The following ANO1 variants were observed in gnomAD, a reference collection of about 807,000 sequenced individuals.
The protein encoded by ANO1 is anoctamin 1, also known as anoctamin-1.
Under a neutral mutation model 124.0 loss-of-function variants are expected in ANO1, and 59 were observed. That is an observed-to-expected ratio of 0.48 (90% CI 0.39 to 0.59). The LOEUF is 0.59. Ranked by LOEUF, ANO1 falls within the 20% of genes least tolerant of loss-of-function variation. ANO1 has a pLI of 0.00. For missense variants in ANO1, 1,059 were observed against 1,328.0 expected (o/e 0.80, Z 3.15); for synonymous variants, 529 against 532.0 (o/e 0.99, Z 0.08).
chr11:70,121,978 G>GTCTC (rs2046302316), intron 8 of ANO1, among the ~76,000 whole-genome samples: 1 of 79,790 alleles, frequency 1.3e-5, no homozygotes, highest in Non-Finnish European at 2.6e-5. Flanking sequence ...CTCTCTGTCT[G>GTCTC]TCTGTCTCTG....
rs199682976 is a variant in ANO1 at position 70,179,982 on chromosome 11, C to G, written c.2351-22C>G. 2.4e-4 allele frequency: 389 copies of G among 1,609,328 alleles called. No homozygotes were observed. In the African/African-American group the frequency reaches 4.4e-3, roughly 18 times the overall value. ...ACTGAGAGTGTAGGGCTCTTTAAAACTGTGACTTCTTCTTCCCCCAGGAAT... is the reference window on the plus strand; with the variant it reads ...ACTGAGAGTGTAGGGCTCTTTAAAAGTGTGACTTCTTCTTCCCCCAGGAAT... On this transcript the variant is annotated intron_variant, in intron 22 of 25. Transcript: ENST00000355303.
chr11:70,009,020 C>T (rs1160997854), intron 1 of ANO1, among the ~76,000 whole-genome samples: 1 of 152,204 alleles, frequency 6.6e-6, no homozygotes, highest in Non-Finnish European at 1.5e-5. Context: ...AGGCCTGTTC[C>T]ACATGAGGTT....
In ANO1 at chr11:70,153,081, G is replaced by T. The variant is rs762424655; in HGVS notation, c.1378G>T (p.Ala460Ser). ...VKDHPRAEYE[A>S]RVLEKSLKKE... ...GGATCATCCTAGAGCTGAATACGAA[G>T]CCAGAGTCTTGGAGAAGTCTCTGAA... Residue 460 changes from alanine to serine, a missense_variant, in exon 14 of 26, where the codon GCC becomes TCC. Transcript: ENST00000355303. 1.9e-5 allele frequency: 31 copies of T among 1,607,648 alleles called. No homozygotes were observed. The highest frequency in any genetic ancestry group is 2.4e-5 in the Non-Finnish European group (28 of 1,177,122).
chr11:70,150,400 A>C (rs2047557042), intron 12 of ANO1, among the ~76,000 whole-genome samples: 1 of 152,362 alleles, frequency 6.6e-6, no homozygotes, highest in East Asian at 1.9e-4. Context: ...CAAGTCCAGC[A>C]GGAATTCCCT....
At chr11:69,969,647 G>A in the ANO1 span, among the ~76,000 whole-genome samples, 1 of 152,250 alleles carries the variant, frequency 6.6e-6, no homozygotes, top group African/African-American at 2.4e-5. Context: ...CAGTCTGGGA[G>A]CCTCAAGAGA....
upstream of ANO1, among the ~76,000 whole-genome samples, chr11:70,077,887 C>G (rs1228082635): frequency 3.3e-5 from 5 of 152,190 alleles, no homozygotes; most frequent in African/African-American, 1.2e-4. Context: ...GAGACTCCCC[C>G]AGGAGCGCGG....
intron 1 of ANO1, among the ~76,000 whole-genome samples, chr11:70,072,059 C>T (rs886684263): frequency 5.3e-5 from 8 of 152,190 alleles, no homozygotes; most frequent in African/African-American, 7.2e-5. Flanking sequence ...ACACACACTC[C>T]GCAGGGCCCA....
At chr11:70,165,112 G>C (rs1325493131) in intron 19 of ANO1, among the ~76,000 whole-genome samples, 2 of 152,162 alleles carry the variant, frequency 1.3e-5, no homozygotes, top group Non-Finnish European at 2.9e-5. Flanking sequence ...GCCTCTCCCA[G>C]CTTCTGGGGA....
At chr11:70,159,767 A>G (rs2047975252) in intron 16 of ANO1, among the ~76,000 whole-genome samples, 1 of 152,224 alleles carries the variant, frequency 6.6e-6, no homozygotes, top group Non-Finnish European at 1.5e-5. Flanking sequence ...GCACCTCCGC[A>G]TGCTGGCACG....
chr11:70,056,398 C>CTT (rs1857435269), intron 1 of ANO1: 2 of 152,034 alleles, frequency 1.3e-5, no homozygotes, highest in South Asian at 4.1e-4. Context: ...TATTATTAAT[C>CTT]TTTTGAAAAT....
intron 1 of ANO1, among the ~76,000 whole-genome samples, chr11:70,014,074 C>T (rs2134977239): frequency 6.6e-6 from 1 of 152,162 alleles, no homozygotes; most frequent in South Asian, 2.1e-4. Context: ...TGATCAGGGT[C>T]CCATGGGGCC....
intron 14 of ANO1, among the ~76,000 whole-genome samples, chr11:70,154,173 G>A (rs1380152560): frequency 1.3e-5 from 2 of 152,228 alleles, no homozygotes; most frequent in Admixed American, 6.5e-5. Flanking sequence ...GACCCTTGGA[G>A]GGATGAGGGC....
At chr11:70,137,585 C>T (rs1389012908) in intron 11 of ANO1, among the ~76,000 whole-genome samples, 4 of 145,862 alleles carry the variant, frequency 2.7e-5, no homozygotes, top group African/African-American at 9.7e-5. Context: ...GAAGATCCAC[C>T]CAGCGGGGCC....
intron 1 of ANO1, among the ~76,000 whole-genome samples, chr11:70,025,686 ACGATGATGATGGTGGTGGTGATGG>A (rs1555003101): frequency 2.1e-5 from 3 of 144,572 alleles, no homozygotes; most frequent in Non-Finnish European, 3.0e-5. Context: ...GGTGGTGGTG[ACGATGATGATGGTGGTGGTGATGG>A]TGATGATGAT....
At position 70,088,185 on chromosome 11, in the gene ANO1, G is replaced by C. The variant is rs938588376; in HGVS notation, c.441+101G>C. 9.1e-6 allele frequency: 8 copies of C among 876,192 alleles called. No homozygotes were observed. The African/African-American group carries it at 1.4e-4, about 15-fold the overall frequency. 54.3% of individuals were successfully genotyped at this position (876,192 alleles called of 1,614,324 possible). A position where few individuals can be genotyped will look rare whatever the true frequency, so the allele number is the denominator to read the frequency against. On this transcript the variant is annotated intron_variant, in intron 2 of 25. Coordinates refer to ENST00000355303, the MANE Select transcript of ANO1 (RefSeq NM_018043.7). ...TCCATAGTCAGAGGGTGCGAGGCTG[G>C]TATCTTGTTTTAGCTTTAAGCTGTT...
intron 8 of ANO1, among the ~76,000 whole-genome samples, chr11:70,120,020 G>GGC (rs2046191676): frequency 6.6e-6 from 1 of 152,050 alleles, no homozygotes; most frequent in African/African-American, 2.4e-5. Context: ...ATCACAGCCT[G>GGC]GTGCCAAGTT....
At chr11:69,966,027 G>GATAT in the ANO1 span, among the ~76,000 whole-genome samples, 1 of 152,118 alleles carries the variant, frequency 6.6e-6, no homozygotes, top group Non-Finnish European at 1.5e-5. Flanking sequence ...ATGAGATGGA[G>GATAT]ATATACAGCT....
intron 22 of ANO1, among the ~76,000 whole-genome samples, chr11:70,176,471 A>G (rs961483157): frequency 3.3e-5 from 5 of 152,084 alleles, no homozygotes; most frequent in South Asian, 2.1e-4. Flanking sequence ...CTGATTGTCA[A>G]TTGGTTGAGT....
intron 1 of ANO1, among the ~76,000 whole-genome samples, chr11:70,048,715 A>AC (rs1185325797): frequency 2.5e-4 from 7 of 27,968 alleles, no homozygotes; most frequent in African/African-American, 1.4e-4. Flanking sequence ...ACCGCTGACC[A>AC]CCCCCCAGCC....
Sources: gnomAD v4.1 joint callset for allele counts (sites outside exome capture counted in the v4.1 genomes callset) on GRCh38, gnomAD v4.1.1 for gene constraint, MANE v1.5 for transcripts, NCBI Gene and HGNC (gene_info 2026-07-23, HGNC 2026-07-21) for gene names.